The following AAMDC variants were observed in gnomAD, a reference collection of about 807,000 sequenced individuals.
AAMDC encodes the protein adipogenesis associated Mth938 domain containing, also known as mth938 domain-containing protein.
AAMDC carries 16 observed loss-of-function variants against 15.5 expected under a neutral mutation model. That is an observed-to-expected ratio of 1.03 (90% CI 0.70 to 1.57). The LOEUF (loss-of-function observed/expected upper bound fraction) is 1.57, where lower values mean the gene tolerates loss of function less well. AAMDC is among the 40% of genes most tolerant of loss of function. The pLI is 0.00. For missense variants in AAMDC, 141 were observed against 144.9 expected (o/e 0.97, Z 0.14); for synonymous variants, 51 against 51.6 (o/e 0.99, Z 0.05).
At chr11:77,885,011 C>CA (rs577081497) in intron 5 of AAMDC, 168 of 186,016 alleles carry the variant, frequency 9.0e-4, no homozygotes, top group African/African-American at 3.8e-3. Context: ...CCTCCTGCCT[C>CA]AGACTCCCAT....
chr11:77,850,500 A>G (rs1243751849), intron 2 of AAMDC: 65 of 152,270 alleles, frequency 4.3e-4, no homozygotes, highest in Non-Finnish European at 5.9e-5. Context: ...ATAGATCATC[A>G]TTCATGTGTC....
In AAMDC at chr11:77,842,573, G is replaced by A; in HGVS notation, c.77G>A (p.Cys26Tyr). ...GGCTCTAATACAACCTATAAGGACT[G>A]CAAAGTATGGCCAGGGGGTAGTCGG... ...VKGSNTTYKD[C>Y]KVWPGGSRTW... Residue 26 changes from cysteine to tyrosine, a missense_variant, in exon 2 of 4, where the codon TGC becomes TAC. Cys to Tyr is a radical substitution (Grantham distance 194, BLOSUM62 -2). Transcript: ENST00000393427. The A allele has an allele frequency of 6.2e-7, 1 of 1,614,072 alleles. No individual in the cohort carries two copies. Among genetic ancestry groups the A allele is most frequent in the East Asian group, 2.2e-5 (1 of 44,874 alleles).
intron 2 of AAMDC, among the ~76,000 whole-genome samples, chr11:77,868,555 C>T (rs772717455): frequency 1.2e-4 from 18 of 149,892 alleles, no homozygotes; most frequent in Admixed American, 4.0e-4. Flanking sequence ...GATGGGGTTT[C>T]GCCATGTTGA....
downstream of AAMDC, among the ~76,000 whole-genome samples, chr11:77,872,639 C>G (rs909946831): frequency 1.2e-4 from 19 of 152,178 alleles, no homozygotes; most frequent in African/African-American, 4.6e-4. Flanking sequence ...CCAGATTGTT[C>G]TCTCTGGGCT....
At chr11:77,874,059 A>C (rs1215296271), downstream of AAMDC, among the ~76,000 whole-genome samples, 1 of 152,212 alleles carries the variant, frequency 6.6e-6, no homozygotes, top group African/African-American at 2.4e-5. Context: ...CAGTATGGAA[A>C]GTGAAGGGAT....
At chr11:77,868,349 C>T (rs1458171810) in intron 2 of AAMDC, among the ~76,000 whole-genome samples, 1 of 148,868 alleles carries the variant, frequency 6.7e-6, no homozygotes, top group Non-Finnish European at 1.5e-5. Context: ...GCCACCACGC[C>T]CAGCCGCCTT....
chr11:77,832,617 C>T (rs994509732), intron 1 of AAMDC, among the ~76,000 whole-genome samples: 13 of 151,964 alleles, frequency 8.6e-5, no homozygotes, highest in East Asian at 3.9e-4. Context: ...TGAGCCACCG[C>T]GCCTGGCCAT....
intron 2 of AAMDC, among the ~76,000 whole-genome samples, chr11:77,862,267 G>A (rs907868251): frequency 2.1e-4 from 32 of 152,080 alleles, no homozygotes; most frequent in Admixed American, 6.6e-4. Flanking sequence ...CCAAACTCTC[G>A]GGCTGCAGTT....
chr11:77,847,721 A>G (rs551580177), intron 2 of AAMDC, among the ~76,000 whole-genome samples: 1 of 152,332 alleles, frequency 6.6e-6, no homozygotes, highest in East Asian at 1.9e-4. Flanking sequence ...TTTATATTGT[A>G]TTCAGTTAAT....
downstream of AAMDC, among the ~76,000 whole-genome samples, chr11:77,874,248 C>A (rs1951537903): frequency 6.6e-6 from 1 of 152,190 alleles, no homozygotes. Flanking sequence ...GCCCTTTCCG[C>A]AGCCCTTTCA....
intron 2 of AAMDC, among the ~76,000 whole-genome samples, chr11:77,868,052 C>G (rs1279327964): frequency 6.9e-6 from 1 of 144,250 alleles, no homozygotes; most frequent in African/African-American, 2.6e-5. Flanking sequence ...TTTCTTTCCT[C>G]TGAGCCTTTT....
At chr11:77,898,758 G>T (rs886190805) in intron 5 of AAMDC, among the ~76,000 whole-genome samples, 1 of 152,194 alleles carries the variant, frequency 6.6e-6, no homozygotes, top group African/African-American at 2.4e-5. Context: ...GGTAGCTCAC[G>T]CCTGGAATCC....
chr11:77,899,192 T>G (rs139860509), intron 5 of AAMDC, among the ~76,000 whole-genome samples: 1 of 151,992 alleles, frequency 6.6e-6, no homozygotes, highest in Non-Finnish European at 1.5e-5. Context: ...AGTTTGCAAA[T>G]GGTAAAGTCA....
At chr11:77,876,815 G>C (rs56214713), downstream of AAMDC, 1 of 597,162 alleles carries the variant, frequency 1.7e-6, no homozygotes, top group Non-Finnish European at 3.0e-6. Flanking sequence ...TGGAAAATGA[G>C]GGCTAACTTG....
intron 5 of AAMDC, among the ~76,000 whole-genome samples, chr11:77,900,397 C>T (rs1482018334): frequency 1.3e-5 from 2 of 152,110 alleles, no homozygotes; most frequent in Admixed American, 6.6e-5. Context: ...CCACACCCGG[C>T]CACATATGAA....
chr11:77,864,147 G>A (rs1041032875), intron 2 of AAMDC, among the ~76,000 whole-genome samples: 5 of 151,886 alleles, frequency 3.3e-5, no homozygotes, highest in African/African-American at 9.7e-5. Context: ...GGCTGGTCTC[G>A]AACTCCTGAC....
chr11:77,905,195 G>C (rs1290381951), downstream of AAMDC, among the ~76,000 whole-genome samples: 3 of 152,142 alleles, frequency 2.0e-5, no homozygotes, highest in African/African-American at 7.2e-5. Flanking sequence ...GGTGGCTCAT[G>C]CCTGTAATCC....
At chr11:77,842,413 C>T in intron 1 of AAMDC, 66 bp from the exon 2 acceptor site, 1 of 1,447,166 alleles carries the variant, frequency 6.9e-7, no homozygotes, top group Non-Finnish European at 9.4e-7. Context: ...CTTAGTATCA[C>T]TGTATTTTCA....
chr11:77,895,897 G>A (rs909753031), intron 5 of AAMDC, among the ~76,000 whole-genome samples: 26 of 152,146 alleles, frequency 1.7e-4, no homozygotes, highest in Non-Finnish European at 3.4e-4. Flanking sequence ...TGTGAGGGAA[G>A]GAAAGCTATG....
Sources: allele counts gnomAD v4.1 joint callset (sites outside exome capture counted in the v4.1 genomes callset), GRCh38; gene constraint gnomAD v4.1.1; transcripts MANE v1.5; gene names NCBI Gene and HGNC (gene_info 2026-07-23, HGNC 2026-07-21).